MAN1C1: variants seen among roughly 807,000 people sequenced by gnomAD.
MAN1C1 encodes mannosyl-oligosaccharide 1,2-alpha-mannosidase IC.
Under a neutral mutation model 71.5 loss-of-function variants are expected in MAN1C1, and 49 were observed. The ratio of observed to expected loss-of-function variants is 0.69; its 90% CI spans 0.54 to 0.87. MAN1C1 has a LOEUF of 0.87. Ranked by LOEUF, MAN1C1 falls within the 40% of genes least tolerant of loss-of-function variation. MAN1C1 has a pLI of 0.00. For synonymous variants in MAN1C1, 352 were observed against 343.7 expected (o/e 1.02, Z -0.27); for missense variants, 743 against 835.0 (o/e 0.89, Z 1.36).
At chr1:25,698,460 T>C (rs748502421) in intron 2 of MAN1C1, among the ~76,000 whole-genome samples, 3 of 152,178 alleles carry the variant, frequency 2.0e-5, no homozygotes, top group Non-Finnish European at 4.4e-5. Flanking sequence ...GGTTGTTCAG[T>C]GCCTGCCATG....
intron 9 of MAN1C1, among the ~76,000 whole-genome samples, chr1:25,780,504 G>T (rs543389206): frequency 3.9e-5 from 6 of 152,300 alleles, no homozygotes; most frequent in Non-Finnish European, 8.8e-5. Flanking sequence ...CATATTAAAG[G>T]ATCTGATAAA....
Position 25,730,209 on chromosome 1 carries a change from A to G in MAN1C1, c.638-16459A>G, listed in dbSNP as rs1011090595. 6.6e-6 allele frequency among the ~76,000 whole-genome samples: 1 copy of G among 152,094 alleles called. No individual in the cohort carries two copies. The highest frequency in any genetic ancestry group is 6.5e-5 in the Admixed American group (1 of 15,282). On this transcript the variant is annotated intron_variant, in intron 2 of 11. Coordinates refer to ENST00000374332, the MANE Select transcript of MAN1C1 (RefSeq NM_020379.4). The surrounding 1 kb of genome is among the most constrained non-coding windows in gnomAD (Gnocchi z 4.3). ...AATTCCTCAGATTATGGTCTGTCAT[A>G]ATCCCCTCCCTGCTTCCCTGTCAGT...
chr1:25,746,173 T>C lies in MAN1C1; in HGVS notation c.638-495T>C, dbSNP rs1557789674. ...TACAAAAATTATCTGGGCGTGGTGG[T>C]GGACACCTGTGGTCCCAGCTACTTG... On this transcript the variant is annotated intron_variant, in intron 2 of 11. Transcript: ENST00000374332. This position sits in a 1 kb window ranked among gnomAD's most constrained non-coding sequence, Gnocchi z 4.0. Among the ~76,000 whole-genome samples, 1 of 150,914 alleles carries C rather than the reference T, an allele frequency of 6.6e-6. No individual in the cohort carries two copies. The highest frequency in any genetic ancestry group is 1.5e-5 in the Non-Finnish European group (1 of 67,744).
chr1:25,773,088 C>A (rs1274804456), intron 8 of MAN1C1, among the ~76,000 whole-genome samples: 2 of 152,248 alleles, frequency 1.3e-5, no homozygotes, highest in African/African-American at 4.8e-5. Context: ...CATTCTCTAT[C>A]TTCCCCAAAT....
chr1:25,763,902 A>C lies in MAN1C1; in HGVS notation c.1076A>C (p.Lys359Thr), dbSNP rs1304588125. Residue 359 changes from lysine to threonine, a missense_variant, in exon 7 of 12, where the codon AAG becomes ACG. By Grantham distance (78) the Lys-to-Thr change is moderately conservative. Coordinates refer to ENST00000374332, the MANE Select transcript of MAN1C1 (RefSeq NM_020379.4). Reference sequence around the variant, plus strand: ...AGGAACATCCGCAAGGTCCTCAGGAAGATCGAAAAGCCCTTTGGCCTCTAC... The same window carrying C: ...AGGAACATCCGCAAGGTCCTCAGGACGATCGAAAAGCCCTTTGGCCTCTAC... ...KVRNIRKVLRKIEKPFGLYPN... is the reference protein window; with the variant it reads ...KVRNIRKVLRTIEKPFGLYPN... 3 of 1,613,948 alleles carry C rather than the reference A, an allele frequency of 1.9e-6. No homozygotes were observed.
In MAN1C1 at chr1:25,730,754, C is replaced by T. The variant is rs536581776; in HGVS notation, c.638-15914C>T. Among the ~76,000 whole-genome samples, 4 of 152,252 alleles carry T rather than the reference C, an allele frequency of 2.6e-5. No homozygotes were observed. The highest frequency in any genetic ancestry group is 2.1e-4 in the South Asian group (1 of 4,812). On this transcript the variant is annotated intron_variant, in intron 2 of 11. Transcript: ENST00000374332. The surrounding 1 kb of genome is among the most constrained non-coding windows in gnomAD (Gnocchi z 4.3). ...GCTGTGGGTGGGTGGACAGGGCAAG[C>T]GGGGAGGGGGTTCTCCCTGTGTGGG...
rs1317873237 is a variant in MAN1C1, at chr1:25,634,056, G to GT, written c.540+15725dup. 2.6e-5 allele frequency among the ~76,000 whole-genome samples: 4 copies of GT among 152,110 alleles called. No individual in the cohort carries two copies. Among genetic ancestry groups the GT allele is most frequent in the Non-Finnish European group, 5.9e-5 (4 of 67,990 alleles). On this transcript the variant is annotated intron_variant, in intron 1 of 11. Coordinates refer to ENST00000374332, the MANE Select transcript of MAN1C1 (RefSeq NM_020379.4). This position sits in a 1 kb window ranked among gnomAD's most constrained non-coding sequence, Gnocchi z 4.6. ...TGCCAGTACATAGAAATATAATAGGGTTTTTTCTGTATATTGATTTTGTAT... is the reference window on the plus strand; with the variant it reads ...TGCCAGTACATAGAAATATAATAGGGTTTTTTTCTGTATATTGATTTTGTAT...
At chr1:25,638,184 A>G (rs1168371404) in intron 1 of MAN1C1, among the ~76,000 whole-genome samples, 2 of 152,116 alleles carry the variant, frequency 1.3e-5, no homozygotes, top group Non-Finnish European at 2.9e-5. Flanking sequence ...TTATACGCAT[A>G]CACACACAGA....
chr1:25,739,537 A>C (rs2047030532), intron 2 of MAN1C1, among the ~76,000 whole-genome samples: 1 of 152,142 alleles, frequency 6.6e-6, no homozygotes, highest in Admixed American at 6.5e-5. Flanking sequence ...CTCTTTGCTA[A>C]TATGATATCA....
At chr1:25,716,812 T>C (rs1228985139) in intron 2 of MAN1C1, among the ~76,000 whole-genome samples, 1 of 152,236 alleles carries the variant, frequency 6.6e-6, no homozygotes, top group Non-Finnish European at 1.5e-5. Context: ...ATCTAAAAGT[T>C]TCCTCAGGCC....
rs1334175947 is a variant in MAN1C1 at position 25,764,548 on chromosome 1, G to A, written c.1141+581G>A. 1.3e-5 allele frequency among the ~76,000 whole-genome samples: 2 copies of A among 151,966 alleles called. No individual in the cohort carries two copies. The highest frequency in any genetic ancestry group is 2.9e-5 in the Non-Finnish European group (2 of 67,998). Reference sequence around the variant, plus strand: ...CTGACTCAGCCACCCGAGTAGCTGGGACTACAAGCATGTGCCACCATGTCT... The same window carrying A: ...CTGACTCAGCCACCCGAGTAGCTGGAACTACAAGCATGTGCCACCATGTCT... On this transcript the variant is annotated intron_variant, in intron 7 of 11. Transcript: ENST00000374332. This position sits in a 1 kb window ranked among gnomAD's most constrained non-coding sequence, Gnocchi z 4.4.
chr1:25,692,189 T>C (rs2124192686), intron 2 of MAN1C1, among the ~76,000 whole-genome samples: 1 of 152,284 alleles, frequency 6.6e-6, no homozygotes, highest in East Asian at 1.9e-4. Context: ...CACTCTGAGA[T>C]CAGCTAGATC....
At chr1:25,740,510 C>T (rs1337763497) in intron 2 of MAN1C1, among the ~76,000 whole-genome samples, 1 of 152,154 alleles carries the variant, frequency 6.6e-6, no homozygotes, top group African/African-American at 2.4e-5. Flanking sequence ...TATCTCGGCT[C>T]ACTGCAAGCT....
intron 1 of MAN1C1, among the ~76,000 whole-genome samples, chr1:25,661,843 C>T (rs1381254363): frequency 1.3e-5 from 2 of 152,248 alleles, no homozygotes; most frequent in Non-Finnish European, 2.9e-5. Context: ...ATAGCCTGCT[C>T]ATTCCCTCAT....
intron 9 of MAN1C1, among the ~76,000 whole-genome samples, chr1:25,780,387 C>T (rs572796768): frequency 1.8e-4 from 27 of 152,274 alleles, no homozygotes; most frequent in Middle Eastern, 3.4e-3. Context: ...AATCTTCCCT[C>T]CATCTCTACC....
chr1:25,781,014 T>G lies in MAN1C1; in HGVS notation c.1552T>G (p.Tyr518Asp), dbSNP rs372815169. 67 of 1,614,014 alleles carry G rather than the reference T, an allele frequency of 4.2e-5. No individual in the cohort carries two copies. The highest frequency in any genetic ancestry group is 5.3e-5 in the Non-Finnish European group (63 of 1,180,038). The part of the protein sequence containing the change: ...EAVATQLSES[Y>D]YILRPEVVES... ...CGTGGCCACCCAGCTGAGCGAGAGC[T>G]ACTACATCCTCCGGCCAGAGGTGGT... Residue 518 changes from tyrosine to aspartate, a missense_variant, in exon 10 of 12, where the codon TAC (tyrosine) becomes GAC (aspartate). Transcript: ENST00000374332.
rs1557755324 is a variant in MAN1C1, at chr1:25,664,435, T to C, written c.541-22005T>C. Among the ~76,000 whole-genome samples, 3 of 152,258 alleles carry C rather than the reference T, an allele frequency of 2.0e-5. No homozygotes were observed. In the East Asian group the frequency reaches 5.8e-4, roughly 29 times the overall value. On this transcript the variant is annotated intron_variant, in intron 1 of 11. Transcript: ENST00000374332. ...TGCAAAACATTTCCTCCCAGGAGAG[T>C]GCTCACTTTCCATGTATCCCCACGT...
intron 1 of MAN1C1, among the ~76,000 whole-genome samples, chr1:25,632,949 C>T (rs1389310211): frequency 6.7e-6 from 1 of 149,958 alleles, no homozygotes; most frequent in Non-Finnish European, 1.5e-5. Context: ...CTCACTGCAA[C>T]CTCTGCTTCC....
chr1:25,727,311 C>T (rs1025652207), intron 2 of MAN1C1, among the ~76,000 whole-genome samples: 2 of 152,194 alleles, frequency 1.3e-5, no homozygotes, highest in African/African-American at 2.4e-5. Flanking sequence ...ACTTCATGTC[C>T]TTGTCGTAGT....
Sources: allele counts gnomAD v4.1 joint callset (sites outside exome capture counted in the v4.1 genomes callset), GRCh38; gene constraint gnomAD v4.1.1; non-coding constraint Gnocchi (gnomAD v3.1); transcripts MANE v1.5; gene names NCBI Gene and HGNC (gene_info 2026-07-23, HGNC 2026-07-21).